The following EYA1 variants were observed in gnomAD, a reference collection of about 807,000 sequenced individuals.
EYA1 encodes protein phosphatase EYA1.
In EYA1, 16 loss-of-function variants were observed where a neutral mutation model predicts 82.0. The ratio of observed to expected loss-of-function variants is 0.20; its 90% confidence interval spans 0.13 to 0.30. EYA1 has a LOEUF of 0.30. EYA1 is among the 10% of genes least tolerant of loss of function. The pLI is 1.00. For missense variants in EYA1, 633 were observed against 730.7 expected (o/e 0.87, Z 1.54); for synonymous variants, 261 against 264.4 (o/e 0.99, Z 0.12).
At chr8:71,463,167 C>T (rs1322197555) in intron 2 of EYA1, among the ~76,000 whole-genome samples, 2 of 152,136 alleles carry the variant, frequency 1.3e-5, no homozygotes, top group East Asian at 3.8e-4. Context: ...CCACATTTCA[C>T]GTGTTCAATA....
At chr8:71,522,446 T>C (rs940909976) in intron 2 of EYA1, among the ~76,000 whole-genome samples, 1 of 152,214 alleles carries the variant, frequency 6.6e-6, no homozygotes, top group African/African-American at 2.4e-5. Context: ...TAATACATGT[T>C]CTTTATTTTC....
At chr8:71,269,619 T>C (rs913966844) in intron 11 of EYA1, 121 bp downstream of exon 11, 3 of 674,234 alleles carry the variant, frequency 4.4e-6, no homozygotes, top group East Asian at 2.8e-5. Context: ...TTTGACTATA[T>C]AGTTCTTCTC....
At chr8:71,222,418 G>A (rs943397832) in intron 12 of EYA1, among the ~76,000 whole-genome samples, 15 of 152,202 alleles carry the variant, frequency 9.9e-5, no homozygotes, top group Admixed American at 9.8e-4. Flanking sequence ...CATCCAGCCC[G>A]CTGTTCCCAG....
At chr8:71,259,865 C>T (rs149281896) in intron 11 of EYA1, among the ~76,000 whole-genome samples, 1 of 152,160 alleles carries the variant, frequency 6.6e-6, no homozygotes, top group South Asian at 2.1e-4. Flanking sequence ...AAGTATCTCT[C>T]CTTTTTATGT....
At chr8:71,287,479 A>G (rs1462987136) in intron 9 of EYA1, among the ~76,000 whole-genome samples, 3 of 152,222 alleles carry the variant, frequency 2.0e-5, no homozygotes, top group Non-Finnish European at 4.4e-5. Context: ...GTCAAGGTCT[A>G]GTAACTCAAT....
At chr8:71,330,107 A>C (rs1430128971) in intron 4 of EYA1, among the ~76,000 whole-genome samples, 5 of 152,172 alleles carry the variant, frequency 3.3e-5, no homozygotes, top group Non-Finnish European at 1.5e-5. Context: ...AAGGTCAGAC[A>C]GTCTCTGAGG....
intron 12 of EYA1, among the ~76,000 whole-genome samples, chr8:71,224,204 T>A (rs1338380621): frequency 6.6e-6 from 1 of 152,186 alleles, no homozygotes; most frequent in East Asian, 1.9e-4. Flanking sequence ...TTTGGAGAAG[T>A]TGAGTTACAC....
intron 12 of EYA1, among the ~76,000 whole-genome samples, chr8:71,231,057 G>A (rs1000151579): frequency 1.3e-5 from 2 of 152,124 alleles, no homozygotes; most frequent in African/African-American, 4.8e-5. Flanking sequence ...CCATTCTCCT[G>A]GGTTTTCTAT....
At chr8:71,470,805 A>G in intron 2 of EYA1, 1 of 446,880 alleles carries the variant, frequency 2.2e-6, no homozygotes, top group Non-Finnish European at 4.5e-6. Context: ...ATGTAGCATT[A>G]AAAATAAAAA....
chr8:71,271,870 G>A lies in EYA1; in HGVS notation c.854C>T (p.Thr285Ile), dbSNP rs1816584930. The change falls in exon 10 of 18, where the codon ACA becomes ATA. Residue 285 changes from threonine (T) to isoleucine (I), a missense_variant. Physicochemically the swap from Thr to Ile is moderately conservative, Grantham distance 89. Transcript: ENST00000340726. Reference sequence around the variant, plus strand: ...ATCAGAATCTGAATCTTTAATGGGTGTTGATGGGCTGTGGATTGTGCTGTA... The same window carrying A: ...ATCAGAATCTGAATCTTTAATGGGTATTGATGGGCTGTGGATTGTGCTGTA... ...AEYSTIHSPSTPIKDSDSDRL... is the reference protein window; with the variant it reads ...AEYSTIHSPSIPIKDSDSDRL... 6.2e-7 allele frequency: 1 copy of A among 1,614,208 alleles called. No homozygotes were observed. Among genetic ancestry groups the A allele is most frequent in the South Asian group, 1.1e-5 (1 of 91,086 alleles).
At chr8:71,199,477 G>A (rs969397699) in intron 17 of EYA1, 57 bp from the exon 18 acceptor site, 4 of 1,289,552 alleles carry the variant, frequency 3.1e-6, no homozygotes, top group African/African-American at 2.9e-5. Context: ...AGCCCTGCCA[G>A]CTTTTTTGGA....
At chr8:71,373,176 TG>T (rs2129091673) in intron 2 of EYA1, among the ~76,000 whole-genome samples, 1 of 152,126 alleles carries the variant, frequency 6.6e-6, no homozygotes, top group African/African-American at 2.4e-5. Flanking sequence ...GTATCAAACT[TG>T]GAAAGGAAAA....
At chr8:71,388,446 G>C (rs1829090394) in intron 2 of EYA1, among the ~76,000 whole-genome samples, 1 of 152,162 alleles carries the variant, frequency 6.6e-6, no homozygotes, top group African/African-American at 2.4e-5. Context: ...GGTGACCAGA[G>C]TTTTTCGGTT....
At chr8:71,408,222 G>A (rs1336806307) in intron 2 of EYA1, among the ~76,000 whole-genome samples, 1 of 151,886 alleles carries the variant, frequency 6.6e-6, no homozygotes, top group Non-Finnish European at 1.5e-5. Context: ...CCTGAAGGAA[G>A]CGCTAAACAT....
intron 2 of EYA1, among the ~76,000 whole-genome samples, chr8:71,406,573 G>C (rs906116631): frequency 6.6e-6 from 1 of 152,184 alleles, no homozygotes; most frequent in Non-Finnish European, 1.5e-5. Context: ...AAGCACAAGG[G>C]GTCAGGGAGT....
intron 1 of EYA1, among the ~76,000 whole-genome samples, chr8:71,545,565 T>TC (rs2129295082): frequency 7.1e-6 from 1 of 141,842 alleles, no homozygotes; most frequent in South Asian, 2.3e-4. Context: ...TTCCTTTTTT[T>TC]TTTTTTTTTT....
intron 2 of EYA1, among the ~76,000 whole-genome samples, chr8:71,445,302 C>G (rs1373636640): frequency 6.6e-6 from 1 of 152,098 alleles, no homozygotes; most frequent in African/African-American, 2.4e-5. Context: ...TTTATACTTT[C>G]ACTAGTGATT....
chr8:71,459,055 A>C (rs1808173919), intron 2 of EYA1, among the ~76,000 whole-genome samples: 1 of 152,154 alleles, frequency 6.6e-6, no homozygotes, highest in Non-Finnish European at 1.5e-5. Flanking sequence ...GTGTATAAAG[A>C]AACTGGAGAA....
At chr8:71,278,847 T>TG (rs1205207763) in intron 9 of EYA1, among the ~76,000 whole-genome samples, 1 of 152,188 alleles carries the variant, frequency 6.6e-6, no homozygotes, top group African/African-American at 2.4e-5. Context: ...ATGCCAGTAG[T>TG]GGTTGCAAAG....
Sources: allele counts gnomAD v4.1 joint callset (sites outside exome capture counted in the v4.1 genomes callset), GRCh38; gene constraint gnomAD v4.1.1; transcripts MANE v1.5; gene names NCBI Gene and HGNC (gene_info 2026-07-23, HGNC 2026-07-21).